Variants in DOK5 observed in about 807,000 individuals in gnomAD.
The protein encoded by DOK5 is downstream of tyrosine kinase 5.
A neutral mutation model predicts 43.3 loss-of-function variants in DOK5; 27 were observed. That is an observed-to-expected ratio of 0.62 (90% CI 0.46 to 0.86). The LOEUF (loss-of-function observed/expected upper bound fraction) is 0.86. Among genes scored for constraint, DOK5 ranks in the 40% least tolerant of loss-of-function variants. The pLI is 0.00. For synonymous variants in DOK5, 146 were observed against 140.1 expected (o/e 1.04, Z -0.30); for missense variants, 373 against 392.9 (o/e 0.95, Z 0.43).
chr20:54,589,586 C>A (rs1000714386), intron 4 of DOK5, among the ~76,000 whole-genome samples: 3 of 152,034 alleles, frequency 2.0e-5, no homozygotes, highest in African/African-American at 7.2e-5. Context: ...AGCCTGGGGA[C>A]GGGGTAGATC....
intron 7 of DOK5, among the ~76,000 whole-genome samples, chr20:54,645,025 T>TTTTTTTG (rs1491431621): frequency 2.2e-5 from 2 of 90,800 alleles, no homozygotes; most frequent in Non-Finnish European, 4.1e-5. Flanking sequence ...TTTTTTTTTT[T>TTTTTTTG]GAGACAGAGT....
At chr20:54,485,326 C>T (rs1568748694) in intron 1 of DOK5, among the ~76,000 whole-genome samples, 1 of 145,044 alleles carries the variant, frequency 6.9e-6, no homozygotes, top group African/African-American at 2.6e-5. Context: ...GCACTCCAGC[C>T]TGGGTGACAA....
At chr20:54,611,119 T>C (rs1216835079) in intron 6 of DOK5, among the ~76,000 whole-genome samples, 4 of 152,206 alleles carry the variant, frequency 2.6e-5, no homozygotes, top group Non-Finnish European at 5.9e-5. Flanking sequence ...GCGGGTGAAC[T>C]GCTACCCACA....
intron 1 of DOK5, among the ~76,000 whole-genome samples, chr20:54,493,617 C>T (rs1328590932): frequency 1.3e-5 from 2 of 152,220 alleles, no homozygotes; most frequent in Non-Finnish European, 2.9e-5. Context: ...ACATAGTCAT[C>T]AGTGGCTACC....
At chr20:54,564,423 TC>T (rs889293116) in intron 2 of DOK5, among the ~76,000 whole-genome samples, 1 of 151,570 alleles carries the variant, frequency 6.6e-6, no homozygotes, top group African/African-American at 2.4e-5. Flanking sequence ...AAAGCAAGAC[TC>T]CGTCAAAAAA....
chr20:54,475,970 A>G lies in DOK5; in HGVS notation c.24A>G (p.Ile8Met). Residue 8 changes from isoleucine to methionine, a missense_variant, in exon 1 of 8, where the codon ATA (isoleucine) becomes ATG (methionine). Ile to Met is a conservative substitution (Grantham distance 10). Transcript: ENST00000262593. This position sits in a 1 kb window ranked among gnomAD's most constrained non-coding sequence, Gnocchi z 4.2. MASNFND[I>M]VKQGYVRIRS... is the part of the protein sequence containing the mutation. ...GGATGGCTTCCAATTTTAATGACATAGTGAAGCAAGGGTACGTGAGGATCC... is the reference window on the plus strand; with the variant it reads ...GGATGGCTTCCAATTTTAATGACATGGTGAAGCAAGGGTACGTGAGGATCC... The G allele has an allele frequency of 6.2e-7, 1 of 1,613,466 alleles. No homozygotes were observed. The highest frequency in any genetic ancestry group is 1.3e-5 in the African/African-American group (1 of 75,028).
intron 2 of DOK5, among the ~76,000 whole-genome samples, chr20:54,581,487 T>C (rs1314494142): frequency 6.6e-6 from 1 of 151,920 alleles, no homozygotes; most frequent in African/African-American, 2.4e-5. Context: ...ACAATGTTAA[T>C]TTTAACAATG....
chr20:54,645,025 T>TTG (rs1491431621), intron 7 of DOK5, among the ~76,000 whole-genome samples: 3,908 of 90,798 alleles, frequency 0.043, 752 homozygotes, highest in Middle Eastern at 0.058. Context: ...TTTTTTTTTT[T>TTG]GAGACAGAGT....
chr20:54,546,772 G>C (rs1984362981), intron 1 of DOK5, among the ~76,000 whole-genome samples: 2 of 152,284 alleles, frequency 1.3e-5, no homozygotes, highest in East Asian at 1.9e-4. Context: ...CTGCAGCCCA[G>C]TGCAAGAGAT....
At chr20:54,576,168 C>G (rs1041235719) in intron 2 of DOK5, among the ~76,000 whole-genome samples, 2 of 152,094 alleles carry the variant, frequency 1.3e-5, no homozygotes, top group African/African-American at 4.8e-5. Context: ...ACATCTATAT[C>G]AAAAGACGAT....
intron 1 of DOK5, among the ~76,000 whole-genome samples, chr20:54,519,153 A>G (rs1983304553): frequency 6.6e-6 from 1 of 152,334 alleles, no homozygotes; most frequent in South Asian, 2.1e-4. Context: ...CATGTCCAGG[A>G]TCACCTAATG....
intron 1 of DOK5, among the ~76,000 whole-genome samples, chr20:54,483,081 C>G (rs1981789743): frequency 6.6e-6 from 1 of 152,186 alleles, no homozygotes; most frequent in South Asian, 2.1e-4. Context: ...TCGTCTTCAT[C>G]TGATTGTCCA....
chr20:54,619,515 A>G (rs939739702), intron 6 of DOK5, among the ~76,000 whole-genome samples: 6 of 152,196 alleles, frequency 3.9e-5, no homozygotes, highest in African/African-American at 1.4e-4. Flanking sequence ...CAAGGTGAAG[A>G]ATGCCTGCTT....
intron 1 of DOK5, among the ~76,000 whole-genome samples, chr20:54,532,674 T>C (rs1265791758): frequency 6.6e-6 from 1 of 152,162 alleles, no homozygotes; most frequent in Admixed American, 6.5e-5. Context: ...TTTCTTTTCA[T>C]ACTGAGTGAT....
At chr20:54,539,261 A>T (rs935701618) in intron 1 of DOK5, among the ~76,000 whole-genome samples, 5 of 131,768 alleles carry the variant, frequency 3.8e-5, no homozygotes, top group African/African-American at 1.6e-4. Flanking sequence ...CCTGGGCAAC[A>T]GAGCGAGGCT....
intron 1 of DOK5, among the ~76,000 whole-genome samples, chr20:54,554,727 T>C (rs1298008896): frequency 6.6e-6 from 1 of 152,274 alleles, no homozygotes; most frequent in Non-Finnish European, 1.5e-5. Context: ...AAATACTTAT[T>C]TTCTTTTGAT....
rs562503457 is a variant in DOK5 at position 54,616,934 on chromosome 20, C to T, written c.735+6411C>T. 3.7e-3 allele frequency among the ~76,000 whole-genome samples: 568 copies of T among 152,018 alleles called. 3 individuals carry two copies. The highest frequency in any genetic ancestry group is 6.5e-3 in the Non-Finnish European group (441 of 67,970). ...CCTCCCGAGTAGCTGAGACTACAGG[C>T]GCCTGCCACCACACCCGGCTAATTT... On this transcript the variant is annotated intron_variant, in intron 6 of 7. Coordinates refer to ENST00000262593, the MANE Select transcript of DOK5 (RefSeq NM_018431.5).
chr20:54,636,112 G>A (rs906702124), intron 6 of DOK5, among the ~76,000 whole-genome samples: 2 of 152,290 alleles, frequency 1.3e-5, no homozygotes, highest in East Asian at 1.9e-4. Flanking sequence ...ACCTGAAACC[G>A]CCTTTGAAAA....
At chr20:54,601,955 C>T (rs551555195) in intron 5 of DOK5, among the ~76,000 whole-genome samples, 2 of 152,160 alleles carry the variant, frequency 1.3e-5, no homozygotes, top group East Asian at 3.9e-4. Context: ...CTGTTTTCAC[C>T]CACCCATGAG....
Sources: allele counts gnomAD v4.1 joint callset (sites outside exome capture counted in the v4.1 genomes callset), GRCh38; gene constraint gnomAD v4.1.1; non-coding constraint Gnocchi (gnomAD v3.1); transcripts MANE v1.5; gene names NCBI Gene and HGNC (gene_info 2026-07-23, HGNC 2026-07-21).